The following SYNPO2 variants were observed in gnomAD, a reference collection of about 807,000 sequenced individuals.
SYNPO2 encodes the protein synaptopodin 2.
In SYNPO2, 56 loss-of-function variants were observed where a neutral mutation model predicts 85.0. The ratio of observed to expected loss-of-function variants is 0.66; its 90% confidence interval spans 0.53 to 0.82. The LOEUF (loss-of-function observed/expected upper bound fraction) is 0.82. SYNPO2 is among the 40% of genes least tolerant of loss of function. SYNPO2 has a pLI of 0.00. For missense variants in SYNPO2, 1,575 were observed against 1,534.2 expected (o/e 1.03, Z -0.44); for synonymous variants, 602 against 591.1 (o/e 1.02, Z -0.27).
intron 1 of SYNPO2, among the ~76,000 whole-genome samples, chr4:118,963,508 T>C (rs1472343001): frequency 1.3e-5 from 2 of 152,244 alleles, no homozygotes; most frequent in Non-Finnish European, 2.9e-5. Context: ...CTTGCATCTT[T>C]AACTTTTTTT....
intron 1 of SYNPO2, among the ~76,000 whole-genome samples, chr4:119,022,712 T>G (rs1308179375): frequency 9.1e-5 from 9 of 98,378 alleles, no homozygotes; most frequent in South Asian, 3.3e-4. Context: ...ATTTTATATT[T>G]TATTTTATTT....
chr4:119,011,386 T>A (rs565347772), intron 1 of SYNPO2, among the ~76,000 whole-genome samples: 1 of 152,282 alleles, frequency 6.6e-6, no homozygotes, highest in African/African-American at 2.4e-5. Context: ...ACCTCTCTCA[T>A]GGGGCCAGAA....
intron 1 of SYNPO2, among the ~76,000 whole-genome samples, chr4:118,931,537 A>T (rs1471836908): frequency 6.6e-6 from 1 of 152,214 alleles, no homozygotes; most frequent in Non-Finnish European, 1.5e-5. Context: ...AGGGAAAACC[A>T]ATCCTGTGTT....
chr4:119,013,078 GTAA>G (rs1249437384), intron 1 of SYNPO2, among the ~76,000 whole-genome samples: 4 of 152,114 alleles, frequency 2.6e-5, no homozygotes, highest in African/African-American at 9.7e-5. Flanking sequence ...AATAATTTTA[GTAA>G]TAATACTAAG....
At chr4:119,034,350 A>G (rs1162841017) in intron 4 of SYNPO2, 1 of 975,780 alleles carries the variant, frequency 1.0e-6, no homozygotes. Context: ...ATGACCCAGA[A>G]GTATTTCCAG....
intron 1 of SYNPO2, among the ~76,000 whole-genome samples, chr4:118,897,169 T>A (rs1216341980): frequency 6.6e-6 from 1 of 152,154 alleles, no homozygotes; most frequent in East Asian, 1.9e-4. Context: ...AGGCACATCC[T>A]ACATGGCATC....
Position 119,031,450 on chromosome 4 carries a change from C to T in SYNPO2, c.2675C>T (p.Thr892Met), listed in dbSNP as rs61743342. ...GAGAAGTATGTGGTCGATTCAGACA[C>T]GGTGCAGGCCCACGCTGCTCGAGCT... ...RMEKYVVDSD[T>M]VQAHAARAQS... is the part of the protein sequence containing the mutation. The change falls in exon 4 of 5, where the codon ACG (threonine) becomes ATG (methionine). Residue 892 changes from threonine to methionine, a missense_variant. This residue lies in a region of SYNPO2 where 1,508 missense variants were observed against 1,446.8 expected (regional missense o/e 1.04). Coordinates refer to ENST00000307142, the MANE Select transcript of SYNPO2 (RefSeq NM_133477.3). 669 of 1,614,158 alleles carry T rather than the reference C, an allele frequency of 4.1e-4. 4 individuals carry two copies. In the African/African-American group the frequency reaches 7.3e-3, roughly 17 times the overall value.
intron 4 of SYNPO2, among the ~76,000 whole-genome samples, chr4:119,045,753 T>A (rs764344746): frequency 6.6e-6 from 1 of 152,214 alleles, no homozygotes; most frequent in Non-Finnish European, 1.5e-5. Flanking sequence ...AATAAGGCTG[T>A]TCCTCAAGAA....
chr4:118,881,269 T>A (rs1431705143), intron 1 of SYNPO2, among the ~76,000 whole-genome samples: 1 of 144,230 alleles, frequency 6.9e-6, no homozygotes, highest in Admixed American at 7.2e-5. Context: ...ACCACTGGAC[T>A]CCAGCCTGGG....
At chr4:118,965,551 T>C (rs1735281137) in intron 1 of SYNPO2, among the ~76,000 whole-genome samples, 1 of 152,190 alleles carries the variant, frequency 6.6e-6, no homozygotes, top group Non-Finnish European at 1.5e-5. Context: ...AGGAGACTTT[T>C]ATGTTCCAGG....
chr4:118,990,075 A>C (rs1307971753), intron 1 of SYNPO2, among the ~76,000 whole-genome samples: 1 of 152,236 alleles, frequency 6.6e-6, no homozygotes, highest in African/African-American at 2.4e-5. Flanking sequence ...GAGAAGACGG[A>C]AATGGGGCTG....
At position 118,889,113 on chromosome 4, in the gene SYNPO2, A is replaced by G. The variant is rs1415400922; in HGVS notation, c.77A>G (p.Glu26Gly). The G allele has an allele frequency of 9.9e-6, 16 of 1,614,032 alleles. No homozygotes were observed. Among genetic ancestry groups the G allele is most frequent in the Non-Finnish European group, 1.4e-5 (16 of 1,180,034 alleles). ...GGGTTCAGATTGCAAGGTGGCAAGG[A>G]GCAGAAGCAGCCCTTACAAGTTGCA... ...PWGFRLQGGK[E>G]QKQPLQVAKI... Residue 26 changes from glutamate (E) to glycine (G), a missense_variant, in exon 1 of 5, where the codon GAG becomes GGG. Glu to Gly is a moderately conservative substitution (Grantham distance 98). Transcript: ENST00000307142.
At chr4:119,025,787 A>C (rs913986529) in intron 2 of SYNPO2, among the ~76,000 whole-genome samples, 4 of 152,228 alleles carry the variant, frequency 2.6e-5, no homozygotes, top group African/African-American at 4.8e-5. Flanking sequence ...TACAGTTTAA[A>C]TTAGAGTTTC....
chr4:118,859,178 A>G (rs1381479455), intron 1 of SYNPO2, among the ~76,000 whole-genome samples: 2 of 152,236 alleles, frequency 1.3e-5, no homozygotes, highest in Non-Finnish European at 2.9e-5. Flanking sequence ...ATTTCCATAC[A>G]TCCTTTGTGT....
At position 119,036,913 on chromosome 4, in the gene SYNPO2, A is replaced by G. The variant is rs1404659055; in HGVS notation, c.3252+4886A>G. ...GATTTTATCAAAGGTTTGCCAGCCA[A>G]TAAAGTGCATCCCAAGTATACAGGG... is the stretch of plus-strand genomic sequence containing the variant. On this transcript the variant is annotated intron_variant, in intron 4 of 4. Coordinates refer to ENST00000307142, the MANE Select transcript of SYNPO2 (RefSeq NM_133477.3). 9 of 1,192,568 alleles carry G rather than the reference A, an allele frequency of 7.5e-6. No homozygotes were observed. The Admixed American group carries it at 2.1e-4, about 28-fold the overall frequency. The allele number at this position is 1,192,568 out of a possible 1,614,324, so 73.9% of individuals were successfully genotyped here.
chr4:119,034,190 G>T (rs989736805), intron 4 of SYNPO2: 15 of 985,272 alleles, frequency 1.5e-5, no homozygotes, highest in South Asian at 9.4e-5. Context: ...ACCAAAAAAG[G>T]CTTCTTATGG....
chr4:118,928,806 A>G (rs562009193), intron 1 of SYNPO2, among the ~76,000 whole-genome samples: 1 of 152,352 alleles, frequency 6.6e-6, no homozygotes, highest in South Asian at 2.1e-4. Flanking sequence ...ATACTGATAT[A>G]TAAATACCTA....
At chr4:118,862,541 G>A (rs1480858839) in intron 1 of SYNPO2, among the ~76,000 whole-genome samples, 4 of 152,182 alleles carry the variant, frequency 2.6e-5, no homozygotes, top group Non-Finnish European at 4.4e-5. Flanking sequence ...ATGAAGGGAT[G>A]TTGAATTGTA....
Position 119,031,483 on chromosome 4 carries a change from C to G in SYNPO2, c.2708C>G (p.Pro903Arg). ...VQAHAARAQS[P>R]TPSLPASWKY... ...GCCCACGCTGCTCGAGCTCAGTCTC[C>G]CACTCCATCTCTCCCGGCCAGTTGG... Residue 903 changes from proline to arginine, a missense_variant, in exon 4 of 5, where the codon CCC (proline) becomes CGC (arginine). Physicochemically the swap from Pro to Arg is moderately radical, Grantham distance 103. Transcript: ENST00000307142. The G allele has an allele frequency of 3.7e-6, 6 of 1,614,106 alleles. No individual in the cohort carries two copies. Among genetic ancestry groups the G allele is most frequent in the Non-Finnish European group, 5.1e-6 (6 of 1,180,018 alleles).
Sources: gnomAD v4.1 joint callset for allele counts (sites outside exome capture counted in the v4.1 genomes callset) on GRCh38, gnomAD v4.1.1 for gene constraint, gnomAD v4.1.1 regional missense constraint, MANE v1.5 for transcripts, NCBI Gene and HGNC (gene_info 2026-07-23, HGNC 2026-07-21) for gene names.